APTX: variants seen among roughly 807,000 people sequenced by gnomAD.
APTX encodes forkhead-associated domain histidine triad-like protein.
APTX carries 33 observed loss-of-function variants against 42.3 expected under a neutral mutation model. The ratio of observed to expected loss-of-function variants is 0.78; its 90% CI spans 0.59 to 1.04. The LOEUF (loss-of-function observed/expected upper bound fraction) is 1.04. APTX is among the 50% of genes least tolerant of loss of function. APTX has a pLI of 0.00. For missense variants in APTX, 421 were observed against 415.1 expected (o/e 1.01, Z -0.12); for synonymous variants, 130 against 146.7 (o/e 0.89, Z 0.82).
At position 32,973,403 on chromosome 9, in the gene APTX, T is replaced by G; in HGVS notation, c.*95A>C. The G allele has an allele frequency of 7.1e-7, 1 of 1,400,588 alleles. No homozygotes were observed. The highest frequency in any genetic ancestry group is 1.0e-6 in the Non-Finnish European group (1 of 989,658). 86.8% of individuals were successfully genotyped at this position (1,400,588 alleles called of 1,614,324 possible). On this transcript the variant is annotated 3_prime_UTR_variant, in exon 8 of 8. Coordinates refer to ENST00000379817, the MANE Select transcript of APTX (RefSeq NM_001195248.2). ...TGTGAAAAAGCTGCATGTTTTAATT[T>G]AGGAAATGAGTAGAAGTTCACAAGC...
intron 1 of APTX, among the ~76,000 whole-genome samples, chr9:33,008,733 G>A (rs1234893601): frequency 6.6e-6 from 1 of 151,966 alleles, no homozygotes; most frequent in Non-Finnish European, 1.5e-5. Flanking sequence ...TGTATTTTTA[G>A]TAGAGATGGG....
rs75109627 is a variant in APTX at position 32,995,887 on chromosome 9, C to CAAA, written c.-5+5677_-5+5679dup. On this transcript the variant is annotated intron_variant, in intron 1 of 7. Transcript: ENST00000379817. ...TGGGCGACAGAGCGAGTCTCCGTCTCAAAAAAAAAAAAAAAAAGAAATTGC... is the reference window on the plus strand; with the variant it reads ...TGGGCGACAGAGCGAGTCTCCGTCTCAAAAAAAAAAAAAAAAAAAAGAAATTGC... Among the ~76,000 whole-genome samples the CAAA allele has an allele frequency of 3.2e-4, 32 of 100,660 alleles. 1 individual carries two copies. Among genetic ancestry groups the CAAA allele is most frequent in the South Asian group, 7.3e-4 (2 of 2,748 alleles). The allele number at this position is 100,660 out of a possible 152,430, so 66.0% of individuals were successfully genotyped here.
intron 1 of APTX, among the ~76,000 whole-genome samples, chr9:33,022,695 G>T (rs997573337): frequency 1.3e-5 from 2 of 152,156 alleles, no homozygotes; most frequent in Non-Finnish European, 2.9e-5. Flanking sequence ...ATTTATCCTG[G>T]CATAGTAAGA....
In APTX at chr9:32,973,539, G is replaced by T; in HGVS notation, c.988C>A (p.Pro330Thr). 2 of 1,614,040 alleles carry T rather than the reference G, an allele frequency of 1.2e-6. No homozygotes were observed. The highest frequency in any genetic ancestry group is 1.7e-6 in the Non-Finnish European group (2 of 1,180,012). Residue 330 changes from proline (P) to threonine (T), a missense_variant, in exon 8 of 8, where the codon CCT becomes ACT. Transcript: ENST00000379817. ...TTCCTGAGATGTTCTTTCAGCTGAG[G>T]AATGGAAGGCAGCAGCTGCTGGCAC... is the stretch of plus-strand genomic sequence containing the variant. ...HECQQLLPSI[P>T]QLKEHLRKHW... is the part of the protein sequence containing the mutation.
chr9:32,994,346 G>C (rs1436567691), intron 1 of APTX, among the ~76,000 whole-genome samples: 1 of 152,090 alleles, frequency 6.6e-6, no homozygotes, highest in African/African-American at 2.4e-5. Context: ...GCCCTGCCCT[G>C]ATCCATCTCA....
At chr9:32,977,312 C>CCTCATCT (rs1020862945) in intron 6 of APTX, among the ~76,000 whole-genome samples, 1 of 151,372 alleles carries the variant, frequency 6.6e-6, no homozygotes, top group Non-Finnish European at 1.5e-5. Context: ...ATAGTGAGAC[C>CCTCATCT]CTCATCTCTA....
intron 1 of APTX, among the ~76,000 whole-genome samples, chr9:32,995,553 T>C (rs1020475791): frequency 3.9e-5 from 6 of 152,168 alleles, no homozygotes; most frequent in Admixed American, 3.3e-4. Context: ...TCTCTTGAGA[T>C]GAAATCTATT....
chr9:33,011,202 G>C (rs889315679), intron 1 of APTX, among the ~76,000 whole-genome samples: 1 of 152,040 alleles, frequency 6.6e-6, no homozygotes, highest in African/African-American at 2.4e-5. Context: ...CCTCTCTTGA[G>C]CACAGACCTG....
Position 32,972,713 on chromosome 9 carries a change from G to A in APTX, c.*785C>T, listed in dbSNP as rs1221948947. 1 of 454,050 alleles carries A rather than the reference G, an allele frequency of 2.2e-6. No individual in the cohort carries two copies. Among genetic ancestry groups the A allele is most frequent in the South Asian group, 1.6e-5 (1 of 64,460 alleles). 28.1% of individuals were successfully genotyped at this position (454,050 alleles called of 1,614,324 possible). A position where few individuals can be genotyped will look rare whatever the true frequency, so the allele number is the denominator to read the frequency against. On this transcript the variant is annotated 3_prime_UTR_variant, in exon 8 of 8. Coordinates refer to ENST00000379817, the MANE Select transcript of APTX (RefSeq NM_001195248.2). The stretch of plus-strand genomic sequence containing the variant: ...CTTTCCATGCATCAGAACCTATGCT[G>A]TGATTGTTAGCTGAACTTCAATAGT...
upstream of APTX, among the ~76,000 whole-genome samples, chr9:33,005,112 GTTAT>G (rs1382977136): frequency 6.6e-6 from 1 of 151,954 alleles, no homozygotes; most frequent in Non-Finnish European, 1.5e-5. Context: ...TTTTAATGGG[GTTAT>G]TTTTGTTTTG....
In APTX at chr9:32,974,490, G is replaced by T; in HGVS notation, c.842C>A (p.Ser281Tyr). 6.2e-7 allele frequency: 1 copy of T among 1,607,360 alleles called. No homozygotes were observed. Among genetic ancestry groups the T allele is most frequent in the Non-Finnish European group, 8.5e-7 (1 of 1,174,414 alleles). ...PCLKNKKHWN[S>Y]FNTEYFLESQ... ...TTCTAGGAAGTATTCTGTATTGAAA[G>T]AATTCCAATGTTTTTTGTTTTTAAG... Residue 281 changes from serine to tyrosine, a missense_variant, in exon 7 of 8, where the codon TCT (serine) becomes TAT (tyrosine). Physicochemically the swap from Ser to Tyr is moderately radical, Grantham distance 144. Transcript: ENST00000379817.
rs1421673130 is a variant in APTX at position 32,984,641 on chromosome 9, G to T, written c.760C>A (p.Pro254Thr). 6.8e-6 allele frequency: 11 copies of T among 1,614,156 alleles called. No homozygotes were observed. The highest frequency in any genetic ancestry group is 1.3e-5 in the African/African-American group (1 of 75,024). The change falls in exon 6 of 8, where the codon CCG (proline) becomes ACG (threonine). Residue 254 changes from proline to threonine, a missense_variant. Physicochemically the swap from Pro to Thr is conservative, Grantham distance 38 (BLOSUM62 -1). Transcript: ENST00000379817. Reference sequence around the variant, plus strand: ...ACCCACCTGGCTTACCTCATACTCGGAATGGCGTGGTAGCCCAATCGGAAG... The same window carrying T: ...ACCCACCTGGCTTACCTCATACTCGTAATGGCGTGGTAGCCCAATCGGAAG... The part of the protein sequence containing the change: ...LRFRLGYHAI[P>T]SMSHVHLHVI...
intron 1 of APTX, among the ~76,000 whole-genome samples, chr9:32,991,779 G>GAA (rs35551187): frequency 9.7e-5 from 12 of 124,086 alleles, no homozygotes; most frequent in South Asian, 5.4e-4. Context: ...TCCATCTCAA[G>GAA]AAAAAAAAAA....
At chr9:32,974,621 A>G in intron 6 of APTX, 60 bp from the exon 7 acceptor site, 1 of 936,334 alleles carries the variant, frequency 1.1e-6, no homozygotes, top group Admixed American at 1.7e-5. Context: ...CTTAATCAAA[A>G]TGACAAAGAG....
chr9:32,989,881 A>G lies in APTX; in HGVS notation c.11T>C (p.Val4Ala). Residue 4 changes from valine (V) to alanine (A), a missense_variant, in exon 2 of 8, where the codon GTG becomes GCG. Val to Ala is a moderately conservative substitution (Grantham distance 64). Coordinates refer to ENST00000379817, the MANE Select transcript of APTX (RefSeq NM_001195248.2). ...GCTGTCCTGTCTCACCAACCAGCAC[A>G]CCCGCATCATCACTCTAAGGGACAA... is the stretch of plus-strand genomic sequence containing the variant. MMR[V>A]CWLVRQDSRH... 1 of 1,614,056 alleles carries G rather than the reference A, an allele frequency of 6.2e-7. No homozygotes were observed. Among genetic ancestry groups the G allele is most frequent in the Non-Finnish European group, 8.5e-7 (1 of 1,179,980 alleles).
chr9:33,023,912 T>G (rs1410838710), intron 1 of APTX, among the ~76,000 whole-genome samples: 1 of 152,178 alleles, frequency 6.6e-6, no homozygotes, highest in Non-Finnish European at 1.5e-5. Context: ...GCTATGGCTA[T>G]ATCCAATTAG....
At chr9:33,013,809 C>T (rs1399554362) in intron 1 of APTX, among the ~76,000 whole-genome samples, 2 of 152,060 alleles carry the variant, frequency 1.3e-5, no homozygotes, top group East Asian at 1.9e-4. Flanking sequence ...GTCTAAAAAA[C>T]AAAACAAAAA....
intron 1 of APTX, 156 bp downstream of exon 1, chr9:33,001,411 G>A: frequency 6.5e-7 from 1 of 1,537,130 alleles, no homozygotes; most frequent in Non-Finnish European, 8.7e-7. Context: ...GCCCAAGGTA[G>A]TAACAGGGGA....
chr9:32,999,126 C>T lies in APTX; in HGVS notation c.-5+2441G>A, dbSNP rs138990064. On this transcript the variant is annotated intron_variant, in intron 1 of 7. Coordinates refer to ENST00000379817, the MANE Select transcript of APTX (RefSeq NM_001195248.2). The stretch of plus-strand genomic sequence containing the variant: ...AATAAATCATCTGAGAGCACTGACA[C>T]GTAAAGCAAAGAAGAAGGGAGTAAA... 1.5e-3 allele frequency among the ~76,000 whole-genome samples: 226 copies of T among 152,182 alleles called. 10 individuals are homozygous for T. In the South Asian group the frequency reaches 0.044, roughly 30 times the overall value.
Sources: gnomAD v4.1 joint callset for allele counts (sites outside exome capture counted in the v4.1 genomes callset) on GRCh38, gnomAD v4.1.1 for gene constraint, MANE v1.5 for transcripts, NCBI Gene and HGNC (gene_info 2026-07-23, HGNC 2026-07-21) for gene names.